Variants in KCND3 observed in about 807,000 individuals in gnomAD.
KCND3 encodes the protein A-type voltage-gated potassium channel KCND3.
Under a neutral mutation model 51.1 loss-of-function variants are expected in KCND3, and 9 were observed. The ratio of observed to expected loss-of-function variants is 0.18; its 90% CI spans 0.11 to 0.31. The LOEUF is 0.31. Ranked by LOEUF, KCND3 falls within the 10% of genes least tolerant of loss-of-function variation. KCND3 has a pLI of 1.00. For synonymous variants in KCND3, 349 were observed against 368.0 expected (o/e 0.95, Z 0.59); for missense variants, 526 against 903.8 (o/e 0.58, Z 5.36).
In KCND3 at chr1:111,982,085, C is replaced by G. The variant is rs1571940611; in HGVS notation, c.642G>C (p.Lys214Asn). 6.2e-7 allele frequency: 1 copy of G among 1,613,800 alleles called. No individual in the cohort carries two copies. The change falls in exon 2 of 8, where the codon AAG becomes AAC. Residue 214 changes from lysine to asparagine, a missense_variant. Physicochemically the swap from Lys to Asn is moderately conservative, Grantham distance 94. Around this residue, in one of 5 missense-constraint regions of KCND3, gnomAD observed 51 missense variants for 84.7 expected, o/e 0.60. Coordinates refer to ENST00000302127, the MANE Select transcript of KCND3 (RefSeq NM_001378969.1). This position sits in a 1 kb window ranked among gnomAD's most constrained non-coding sequence, Gnocchi z 8.5. ...TVPCGTVPGS[K>N]ELPCGERYSV... ...AGTAGCGCTCCCCGCACGGCAGCTC[C>G]TTGCTGCCCGGGACCGTGCCGCACG...
At chr1:111,985,515 T>C (rs144636176) in intron 1 of KCND3, among the ~76,000 whole-genome samples, 265 of 152,320 alleles carry the variant, frequency 1.7e-3, no homozygotes, top group African/African-American at 6.1e-3. Context: ...GGAGGCAGCA[T>C]AGTGAACTGC....
At chr1:111,881,037 C>T (rs1230403651) in intron 2 of KCND3, among the ~76,000 whole-genome samples, 1 of 152,210 alleles carries the variant, frequency 6.6e-6, no homozygotes, top group African/African-American at 2.4e-5. Context: ...CTGGAAGCAG[C>T]TCTCCCATCT....
intron 2 of KCND3, among the ~76,000 whole-genome samples, chr1:111,808,381 A>C (rs1460982947): frequency 1.3e-5 from 2 of 152,200 alleles, no homozygotes; most frequent in Admixed American, 6.5e-5. Flanking sequence ...TGAATGCGAG[A>C]GTTAAAGCCT....
intron 2 of KCND3, among the ~76,000 whole-genome samples, chr1:111,937,421 A>G (rs1287917386): frequency 6.6e-6 from 1 of 152,146 alleles, no homozygotes. Context: ...GCCCCGAGTC[A>G]TCAGACTCCC....
chr1:111,925,600 A>T (rs1487419778), intron 2 of KCND3, among the ~76,000 whole-genome samples: 1 of 152,202 alleles, frequency 6.6e-6, no homozygotes, highest in Non-Finnish European at 1.5e-5. Context: ...TTCATCTGTA[A>T]AATGGAACAA....
chr1:111,916,333 A>G (rs1557717327), intron 2 of KCND3, among the ~76,000 whole-genome samples: 2 of 152,228 alleles, frequency 1.3e-5, no homozygotes, highest in African/African-American at 4.8e-5. Context: ...CATAAGTCAA[A>G]TTTAAAAATC....
chr1:111,803,704 G>A (rs1368523147), intron 2 of KCND3, among the ~76,000 whole-genome samples: 1 of 152,202 alleles, frequency 6.6e-6, no homozygotes, highest in Non-Finnish European at 1.5e-5. Context: ...TGAAAGGCAA[G>A]TGAGAAATAG....
intron 2 of KCND3, among the ~76,000 whole-genome samples, chr1:111,947,484 T>C (rs569644028): frequency 6.6e-6 from 1 of 152,384 alleles, no homozygotes; most frequent in East Asian, 1.9e-4. Flanking sequence ...GTATTTGTGT[T>C]ATTCCCATCT....
intron 2 of KCND3, among the ~76,000 whole-genome samples, chr1:111,972,884 T>C (rs961638050): frequency 1.3e-5 from 2 of 152,258 alleles, no homozygotes; most frequent in African/African-American, 4.8e-5. Flanking sequence ...TCCATGGTTT[T>C]GATATCATTT....
chr1:111,899,482 T>A (rs1316818996), intron 2 of KCND3, among the ~76,000 whole-genome samples: 2 of 152,188 alleles, frequency 1.3e-5, no homozygotes, highest in African/African-American at 4.8e-5. Context: ...CCTCTTGCTG[T>A]AGGTGATGGA....
At chr1:111,976,641 G>A (rs1254432612) in intron 2 of KCND3, among the ~76,000 whole-genome samples, 1 of 152,238 alleles carries the variant, frequency 6.6e-6, no homozygotes. Flanking sequence ...AACAAAATGT[G>A]TCAATGACAA....
chr1:111,824,896 G>A (rs1182832405), intron 2 of KCND3, among the ~76,000 whole-genome samples: 1 of 152,136 alleles, frequency 6.6e-6, no homozygotes. Context: ...ATTTGAGACT[G>A]ATCTCCCATT....
rs372595878 is a variant in KCND3, at chr1:111,963,369, G to A, written c.1106+18252C>T. 4.6e-5 allele frequency among the ~76,000 whole-genome samples: 7 copies of A among 152,344 alleles called. No individual in the cohort carries two copies. In the East Asian group the frequency reaches 1.2e-3, roughly 25 times the overall value. Reference sequence around the variant, plus strand: ...GAAGGCAGTGGTTAAGGGGATCCTAGAGCCAGAATGCCTCAGGGTGAAACC... The same window carrying A: ...GAAGGCAGTGGTTAAGGGGATCCTAAAGCCAGAATGCCTCAGGGTGAAACC... On this transcript the variant is annotated intron_variant, in intron 2 of 7. Transcript: ENST00000302127.
At chr1:111,829,383 C>G (rs1666729313) in intron 2 of KCND3, among the ~76,000 whole-genome samples, 1 of 152,008 alleles carries the variant, frequency 6.6e-6, no homozygotes, top group South Asian at 2.1e-4. Context: ...GTGTGGCAGA[C>G]AAGGTGAGAG....
At chr1:111,912,331 A>T (rs770795596) in intron 2 of KCND3, among the ~76,000 whole-genome samples, 3 of 152,272 alleles carry the variant, frequency 2.0e-5, no homozygotes, top group Non-Finnish European at 2.9e-5. Context: ...CTGTAGTGCA[A>T]TGCATTACTC....
intron 2 of KCND3, among the ~76,000 whole-genome samples, chr1:111,797,548 A>G (rs1468699747): frequency 6.6e-6 from 1 of 152,176 alleles, no homozygotes; most frequent in Non-Finnish European, 1.5e-5. Flanking sequence ...GTTTATAGGG[A>G]AGACAGACAA....
At chr1:111,971,319 AAAAC>A (rs552959602) in intron 2 of KCND3, among the ~76,000 whole-genome samples, 1 of 151,746 alleles carries the variant, frequency 6.6e-6, no homozygotes, top group African/African-American at 2.4e-5. Flanking sequence ...AAAACACCAC[AAAAC>A]AAACAAACAA....
intron 2 of KCND3, among the ~76,000 whole-genome samples, chr1:111,956,007 T>C (rs1369632229): frequency 6.8e-6 from 1 of 147,780 alleles, no homozygotes; most frequent in African/African-American, 2.5e-5. Flanking sequence ...CTCATTTTAA[T>C]CCTTGTAATC....
At chr1:111,819,166 C>T (rs1376405957) in intron 2 of KCND3, among the ~76,000 whole-genome samples, 1 of 152,172 alleles carries the variant, frequency 6.6e-6, no homozygotes, top group Non-Finnish European at 1.5e-5. Context: ...CTCACTCACA[C>T]ACTCACATGT....
Sources: gnomAD v4.1 joint callset for allele counts (sites outside exome capture counted in the v4.1 genomes callset) on GRCh38, gnomAD v4.1.1 for gene constraint, gnomAD v4.1.1 regional missense constraint, Gnocchi (gnomAD v3.1) non-coding constraint, MANE v1.5 for transcripts, NCBI Gene and HGNC (gene_info 2026-07-23, HGNC 2026-07-21) for gene names.